PLA2R1: variants seen among roughly 807,000 people sequenced by gnomAD.
PLA2R1 encodes the protein phospholipase A2 receptor 1.
A neutral mutation model predicts 195.9 loss-of-function variants in PLA2R1; 158 were observed. That is an observed-to-expected ratio of 0.81 (90% CI 0.71 to 0.92). PLA2R1 has a LOEUF of 0.92. Ranked by LOEUF, PLA2R1 falls within the 40% of genes least tolerant of loss-of-function variation. PLA2R1 has a pLI of 0.00. For missense variants in PLA2R1, 1,626 were observed against 1,764.6 expected (o/e 0.92, Z 1.41); for synonymous variants, 586 against 598.2 (o/e 0.98, Z 0.30).
chr2:159,961,264 T>C (rs142813382), intron 20 of PLA2R1, among the ~76,000 whole-genome samples: 1 of 152,316 alleles, frequency 6.6e-6, no homozygotes, highest in East Asian at 1.9e-4. Context: ...TGCCACCTAC[T>C]TATGAAGCCT....
chr2:159,954,286 G>A (rs1018596080), intron 23 of PLA2R1, among the ~76,000 whole-genome samples: 1 of 151,692 alleles, frequency 6.6e-6, no homozygotes, highest in African/African-American at 2.4e-5. Context: ...TACCTGGCAT[G>A]CTCATATTAT....
At chr2:160,045,263 C>T in intron 1 of PLA2R1, 106 bp from the exon 2 acceptor site, 1 of 816,372 alleles carries the variant, frequency 1.2e-6, no homozygotes, top group Non-Finnish European at 1.9e-6. Context: ...CAGTTGCCAG[C>T]CATTTCCCAC....
chr2:159,924,282 C>T, the PLA2R1 span, among the ~76,000 whole-genome samples: 1 of 152,198 alleles, frequency 6.6e-6, no homozygotes, highest in Admixed American at 6.5e-5. Context: ...TTCCTCATCT[C>T]AACATCCTTA....
chr2:160,013,428 C>G, intron 9 of PLA2R1, 53 bp from the exon 10 acceptor site: 1 of 1,058,836 alleles, frequency 9.4e-7, no homozygotes, highest in East Asian at 2.4e-5. Context: ...AGTTAAATAC[C>G]AAGAGATATT....
At chr2:159,961,249 T>TG (rs1248371121) in intron 20 of PLA2R1, among the ~76,000 whole-genome samples, 1 of 152,162 alleles carries the variant, frequency 6.6e-6, no homozygotes, top group Non-Finnish European at 1.5e-5. Flanking sequence ...TTGTGCCAGG[T>TG]GAATTGCCAC....
intron 14 of PLA2R1, among the ~76,000 whole-genome samples, chr2:159,978,792 T>C (rs75000332): frequency 0.018 from 2,794 of 152,280 alleles, 47 homozygotes; most frequent in Middle Eastern, 0.041. Context: ...CTCTCTTCTA[T>C]AAACCTCTTC....
At chr2:159,929,158 T>C (rs1313677233), downstream of PLA2R1, among the ~76,000 whole-genome samples, 1 of 152,054 alleles carries the variant, frequency 6.6e-6, no homozygotes, top group Non-Finnish European at 1.5e-5. Flanking sequence ...AGACAAGACT[T>C]AATTAAACTA....
chr2:159,938,589 C>T lies in PLA2R1; in HGVS notation c.*3189G>A, dbSNP rs1466573764. On this transcript the variant is annotated 3_prime_UTR_variant, in exon 30 of 30. Transcript: ENST00000283243. The stretch of plus-strand genomic sequence containing the variant: ...GCACCAGGGACAGCCAGAATGAGGC[C>T]AAATCAAAGAGAACAGACTACAGAT... The T allele has an allele frequency of 6.6e-6, 1 of 152,368 alleles. No homozygotes were observed. The highest frequency in any genetic ancestry group is 2.4e-5 in the African/African-American group (1 of 41,420). The allele number at this position is 152,368 out of a possible 1,614,324, so 9.4% of individuals were successfully genotyped here. A position where few individuals can be genotyped will look rare whatever the true frequency, so the allele number is the denominator to read the frequency against.
intron 6 of PLA2R1, among the ~76,000 whole-genome samples, chr2:160,025,887 G>C (rs987912023): frequency 1.3e-5 from 2 of 152,158 alleles, no homozygotes; most frequent in East Asian, 3.8e-4. Flanking sequence ...ATGAGCAGAG[G>C]TAGGAAAAAG....
downstream of PLA2R1, among the ~76,000 whole-genome samples, chr2:159,930,402 C>T (rs920448000): frequency 4.3e-5 from 6 of 138,744 alleles, no homozygotes; most frequent in South Asian, 2.5e-4. Context: ...AGCGAGACTC[C>T]GTCTCAAAAA....
At chr2:159,947,325 C>T in intron 26 of PLA2R1, 94 bp downstream of exon 26, 3 of 1,108,830 alleles carry the variant, frequency 2.7e-6, no homozygotes, top group Non-Finnish European at 3.9e-6. Context: ...CCTAAAGTCA[C>T]TAAATAATGG....
chr2:159,983,055 G>A (rs753973149), intron 13 of PLA2R1, among the ~76,000 whole-genome samples: 5 of 152,110 alleles, frequency 3.3e-5, no homozygotes, highest in Non-Finnish European at 1.5e-5. Flanking sequence ...TCGGGGGTGG[G>A]GGGCTCACAG....
At chr2:160,015,497 A>G (rs1297751550) in intron 9 of PLA2R1, among the ~76,000 whole-genome samples, 1 of 152,236 alleles carries the variant, frequency 6.6e-6, no homozygotes, top group Non-Finnish European at 1.5e-5. Flanking sequence ...AGCCATGAAC[A>G]AAAGTTTGAA....
At chr2:160,039,671 T>C (rs893870721) in intron 3 of PLA2R1, among the ~76,000 whole-genome samples, 2 of 152,226 alleles carry the variant, frequency 1.3e-5, no homozygotes, top group East Asian at 1.9e-4. Context: ...TTGAGTTATA[T>C]TGGCTACCGG....
At chr2:160,057,362 C>G (rs1405687497) in intron 1 of PLA2R1, among the ~76,000 whole-genome samples, 1 of 152,142 alleles carries the variant, frequency 6.6e-6, no homozygotes, top group Non-Finnish European at 1.5e-5. Flanking sequence ...ATCCTGGGAC[C>G]ATTACAACCA....
chr2:159,983,026 C>G (rs2105303114), intron 13 of PLA2R1, among the ~76,000 whole-genome samples: 1 of 152,208 alleles, frequency 6.6e-6, no homozygotes, highest in East Asian at 1.9e-4. Context: ...CAAGAACATT[C>G]CAAAGTGAGA....
chr2:160,001,269 T>C (rs1229241685), intron 11 of PLA2R1, among the ~76,000 whole-genome samples: 1 of 152,058 alleles, frequency 6.6e-6, no homozygotes, highest in Non-Finnish European at 1.5e-5. Context: ...GAATGCATGT[T>C]GAATAGCTAG....
At chr2:160,047,789 A>G (rs966281869) in intron 1 of PLA2R1, among the ~76,000 whole-genome samples, 2 of 152,198 alleles carry the variant, frequency 1.3e-5, no homozygotes, top group African/African-American at 2.4e-5. Context: ...AATAGACATG[A>G]AAATTACAAA....
intron 1 of PLA2R1, among the ~76,000 whole-genome samples, chr2:160,052,727 A>G (rs1026835706): frequency 2.6e-5 from 4 of 152,200 alleles, no homozygotes; most frequent in African/African-American, 9.7e-5. Context: ...CCCAGGGGGA[A>G]ATGATTCAAA....
Sources: allele counts gnomAD v4.1 joint callset (sites outside exome capture counted in the v4.1 genomes callset), GRCh38; gene constraint gnomAD v4.1.1; transcripts MANE v1.5; gene names NCBI Gene and HGNC (gene_info 2026-07-23, HGNC 2026-07-21).